The following RIT1 variants were observed in gnomAD, a reference collection of about 807,000 sequenced individuals.
RIT1 encodes the protein GTP-binding protein Rit1.
In RIT1, 6 loss-of-function variants were observed where a neutral mutation model predicts 25.6. That is an observed-to-expected ratio of 0.23 (90% CI 0.13 to 0.46). RIT1 has a LOEUF of 0.46. RIT1 is among the 20% of genes least tolerant of loss of function. RIT1 has a pLI of 0.99. For synonymous variants in RIT1, 81 were observed against 94.1 expected, an observed-to-expected ratio of 0.86 and a Z score of 0.80; for missense variants, 219 against 284.4, an observed-to-expected ratio of 0.77 and a Z score of 1.65.
intron 5 of RIT1, among the ~76,000 whole-genome samples, chr1:155,901,248 C>A (rs1001926285): frequency 2.6e-5 from 4 of 152,106 alleles, no homozygotes; most frequent in Non-Finnish European, 1.5e-5. Flanking sequence ...ACCTGTAATT[C>A]CAGAACTTTG....
At chr1:155,903,262 C>T (rs1286314649) in intron 5 of RIT1, among the ~76,000 whole-genome samples, 3 of 151,592 alleles carry the variant, frequency 2.0e-5, no homozygotes, top group African/African-American at 7.3e-5. Context: ...TGCCACTGCA[C>T]GCCAGCCTGG....
At chr1:155,910,261 G>C in intron 3 of RIT1, 189 bp downstream of exon 3, 2 of 587,584 alleles carry the variant, frequency 3.4e-6, no homozygotes, top group Non-Finnish European at 6.0e-6. Context: ...ACTAAAGATG[G>C]CTTATGACAT....
intron 3 of RIT1, among the ~76,000 whole-genome samples, chr1:155,909,768 A>G (rs12407518): frequency 6.6e-6 from 1 of 151,700 alleles, no homozygotes; most frequent in Non-Finnish European, 1.5e-5. Context: ...CTAAAAATAC[A>G]AAAATTAGCC....
chr1:155,910,803 A>G lies in RIT1; in HGVS notation c.-42T>C. On this transcript the variant is annotated splice_region_variant and 5_prime_UTR_variant, in exon 2 of 6. Transcript: ENST00000368323. ...TCCTCGGTTGCCCCGAGGAAAAGCC[A>G]CCTAGAAAAGGAGGAGGAAATGCTT... 1 of 1,614,062 alleles carries G rather than the reference A, an allele frequency of 6.2e-7. No homozygotes were observed. Among genetic ancestry groups the G allele is most frequent in the East Asian group, 2.2e-5 (1 of 44,870 alleles).
rs1333481720 is a variant in RIT1, at chr1:155,900,032, G to A, written c.*356C>T. 7.4e-6 allele frequency: 2 copies of A among 270,736 alleles called. No individual in the cohort carries two copies. Among genetic ancestry groups the A allele is most frequent in the Non-Finnish European group, 1.4e-5 (2 of 140,544 alleles). 16.8% of individuals were successfully genotyped at this position (270,736 alleles called of 1,614,324 possible). A position where few individuals can be genotyped will look rare whatever the true frequency, so the allele number is the denominator to read the frequency against. On this transcript the variant is annotated 3_prime_UTR_variant, in exon 6 of 6. Coordinates refer to ENST00000368323, the MANE Select transcript of RIT1 (RefSeq NM_006912.6). The stretch of plus-strand genomic sequence containing the variant: ...TAGTCCCAGGAAATTGAAATTAAAG[G>A]ATAATGTGGAGTGCAGAGCCAAAAA...
At chr1:155,906,048 T>C (rs1319306144) in intron 3 of RIT1, among the ~76,000 whole-genome samples, 1 of 152,036 alleles carries the variant, frequency 6.6e-6, no homozygotes, top group Non-Finnish European at 1.5e-5. Flanking sequence ...AGGCTGGTCT[T>C]GAACGCCTGA....
chr1:155,908,070 C>T (rs555673177), intron 3 of RIT1, among the ~76,000 whole-genome samples: 15 of 138,588 alleles, frequency 1.1e-4, no homozygotes, highest in South Asian at 2.3e-4. Context: ...CTAGCCTGGG[C>T]GACAGTGAGA....
intron 5 of RIT1, among the ~76,000 whole-genome samples, chr1:155,903,929 G>A (rs112779972): frequency 1.3e-5 from 2 of 152,192 alleles, no homozygotes; most frequent in Admixed American, 1.3e-4. Context: ...ATGATTGCTT[G>A]AGCTGGGGAG....
chr1:155,908,314 G>A (rs1273245470), intron 3 of RIT1, among the ~76,000 whole-genome samples: 1 of 151,392 alleles, frequency 6.6e-6, no homozygotes, highest in Non-Finnish European at 1.5e-5. Flanking sequence ...AATTAGCCGG[G>A]CGTGGTGATG....
At chr1:155,902,374 AAG>A (rs917712589) in intron 5 of RIT1, among the ~76,000 whole-genome samples, 2 of 151,530 alleles carry the variant, frequency 1.3e-5, no homozygotes, top group African/African-American at 4.8e-5. Context: ...AAAAAAAAAA[AAG>A]AAAAGAAAAA....
intron 1 of RIT1, 181 bp downstream of exon 1, chr1:155,911,062 T>G (rs1673588332): frequency 1.2e-6 from 1 of 829,150 alleles, no homozygotes; most frequent in Admixed American, 2.6e-5. Flanking sequence ...ACAAATAAAT[T>G]TACGTCTCGG....
intron 3 of RIT1, among the ~76,000 whole-genome samples, chr1:155,906,713 T>C (rs1322189996): frequency 1.4e-5 from 2 of 146,276 alleles, no homozygotes; most frequent in African/African-American, 5.1e-5. Context: ...TGAGCCAAGA[T>C]TGTGCCACTG....
At chr1:155,906,161 C>T (rs1159657179) in intron 3 of RIT1, among the ~76,000 whole-genome samples, 8 of 151,974 alleles carry the variant, frequency 5.3e-5, no homozygotes, top group East Asian at 1.9e-4. Context: ...TCCACAGTTT[C>T]GTAATTTCTC....
chr1:155,911,313 C>A lies in RIT1; in HGVS notation c.-114G>T, dbSNP rs1157488243. ...GAACACCACAGCCGGTCGGGTCACGCACTTCGTCTTCCTTCACTCGCGGAG... is the reference window on the plus strand; with the variant it reads ...GAACACCACAGCCGGTCGGGTCACGAACTTCGTCTTCCTTCACTCGCGGAG... On this transcript the variant is annotated 5_prime_UTR_variant, in exon 1 of 6. Coordinates refer to ENST00000368323, the MANE Select transcript of RIT1 (RefSeq NM_006912.6). 1.0e-5 allele frequency: 2 copies of A among 196,894 alleles called. No individual in the cohort carries two copies. The highest frequency in any genetic ancestry group is 4.7e-5 in the African/African-American group (2 of 42,248). The allele number at this position is 196,894 out of a possible 1,614,324, so 12.2% of individuals were successfully genotyped here.
chr1:155,904,877 C>T, intron 3 of RIT1, 73 bp from the exon 4 acceptor site: 1 of 964,068 alleles, frequency 1.0e-6, no homozygotes, highest in Non-Finnish European at 1.7e-6. Context: ...ACTCATCTTA[C>T]AGAGTAGTAC....
At chr1:155,907,125 A>G (rs1673460750) in intron 3 of RIT1, among the ~76,000 whole-genome samples, 1 of 152,104 alleles carries the variant, frequency 6.6e-6, no homozygotes, top group Non-Finnish European at 1.5e-5. Flanking sequence ...AAGAAAAGAA[A>G]AGAAAATATC....
intron 5 of RIT1, among the ~76,000 whole-genome samples, chr1:155,901,439 C>G (rs1451407384): frequency 6.6e-6 from 1 of 151,392 alleles, no homozygotes; most frequent in Non-Finnish European, 1.5e-5. Context: ...GTCTGGGGTT[C>G]GAGACCAACC....
rs775926859 is a variant in RIT1 at position 155,904,720 on chromosome 1, G to T, written c.237+11C>A. ...AAAAGCCTTTACTCATAACATTCTGGGATTTAATACCTGTCCAGCTGTATC... is the reference window on the plus strand; with the variant it reads ...AAAAGCCTTTACTCATAACATTCTGTGATTTAATACCTGTCCAGCTGTATC... On this transcript the variant is annotated intron_variant, in intron 4 of 5. Transcript: ENST00000368323. The T allele has an allele frequency of 5.6e-6, 9 of 1,595,400 alleles. No homozygotes were observed. In the East Asian group the frequency reaches 1.8e-4, roughly 32 times the overall value.
In RIT1 at chr1:155,911,340, C is replaced by T. The variant is rs866139946; in HGVS notation, c.-141G>A. ...CTTCGTCTTCCTTCACTCGCGGAGG[C>T]TCCGGCACTGACCTGTGACCCCTCC... On this transcript the variant is annotated 5_prime_UTR_variant, in exon 1 of 6. Transcript: ENST00000368323. The T allele has an allele frequency of 4.9e-5, 9 of 181,924 alleles. No homozygotes were observed. The highest frequency in any genetic ancestry group is 1.9e-4 in the African/African-American group (8 of 41,856). The allele number at this position is 181,924 out of a possible 1,614,324, so 11.3% of individuals were successfully genotyped here. A position where few individuals can be genotyped will look rare whatever the true frequency, so the allele number is the denominator to read the frequency against.
Sources: gnomAD v4.1 joint callset for allele counts (sites outside exome capture counted in the v4.1 genomes callset) on GRCh38, gnomAD v4.1.1 for gene constraint, MANE v1.5 for transcripts, NCBI Gene and HGNC (gene_info 2026-07-23, HGNC 2026-07-21) for gene names.